SPATA6: variants seen among roughly 807,000 people sequenced by gnomAD.
The protein encoded by SPATA6 is spermatogenesis associated 6.
Under a neutral mutation model 65.3 loss-of-function variants are expected in SPATA6, and 56 were observed. The ratio of observed to expected loss-of-function variants is 0.86; its 90% confidence interval spans 0.69 to 1.07. SPATA6 has a LOEUF of 1.07. Ranked by LOEUF, SPATA6 falls within the 50% of genes least tolerant of loss-of-function variation. The probability of loss-of-function intolerance (pLI) is 0.00; values close to 1 mark genes in which losing one functional copy is unlikely to be tolerated. For synonymous variants in SPATA6, 199 were observed against 213.2 expected, an observed-to-expected ratio of 0.93 and a Z score of 0.58; for missense variants, 590 against 594.8, an observed-to-expected ratio of 0.99 and a Z score of 0.08.
chr1:48,440,374 A>AT (rs1655344990), intron 3 of SPATA6, among the ~76,000 whole-genome samples: 1 of 152,226 alleles, frequency 6.6e-6, no homozygotes, highest in Non-Finnish European at 1.5e-5. Context: ...CTATTGTTAG[A>AT]TCAAACCCTG....
chr1:48,460,364 C>T (rs996257316), intron 1 of SPATA6, among the ~76,000 whole-genome samples: 2 of 152,054 alleles, frequency 1.3e-5, no homozygotes, highest in Non-Finnish European at 1.5e-5. Flanking sequence ...AAAATTTAAG[C>T]CTCATTCATA....
At chr1:48,335,404 AG>A (rs1557579148) in intron 11 of SPATA6, among the ~76,000 whole-genome samples, 1 of 152,160 alleles carries the variant, frequency 6.6e-6, no homozygotes, top group Non-Finnish European at 1.5e-5. Flanking sequence ...ACAAGGCTAG[AG>A]TAACCAAAAT....
chr1:48,411,569 C>G lies in SPATA6; in HGVS notation c.300G>C (p.Thr100=). 1 of 1,602,364 alleles carries G rather than the reference C, an allele frequency of 6.2e-7. No individual in the cohort carries two copies. The highest frequency in any genetic ancestry group is 1.3e-5 in the African/African-American group (1 of 74,734). Residue 100 remains threonine (T), a synonymous_variant, in exon 5 of 13, where the codon ACG becomes ACC. Transcript: ENST00000371847. The stretch of plus-strand genomic sequence containing the variant: ...TGAAATCTCGTGTATTTTCGTCATA[C>G]GTAGACAGTGTTTCACCCACTACAA... The part of the protein sequence containing the change: ...LVPPVGETLS[T]YDENTRDFMF...
intron 9 of SPATA6, among the ~76,000 whole-genome samples, chr1:48,369,269 T>C (rs1647148512): frequency 6.6e-6 from 1 of 152,188 alleles, no homozygotes; most frequent in Admixed American, 6.5e-5. Context: ...AGTCTGCCAG[T>C]TCTCAGATCT....
the SPATA6 span, among the ~76,000 whole-genome samples, chr1:48,277,655 T>A: frequency 6.6e-6 from 1 of 152,206 alleles, no homozygotes; most frequent in Non-Finnish European, 1.5e-5. Context: ...GCAGGCTTGC[T>A]TAGGTAAACA....
chr1:48,397,009 A>G (rs965308366), intron 7 of SPATA6, among the ~76,000 whole-genome samples: 1 of 151,718 alleles, frequency 6.6e-6, no homozygotes, highest in Non-Finnish European at 1.5e-5. Flanking sequence ...TAGTCTTACA[A>G]CAGGATATAA....
intron 11 of SPATA6, among the ~76,000 whole-genome samples, chr1:48,346,090 T>A (rs752018475): frequency 6.6e-6 from 1 of 151,988 alleles, no homozygotes; most frequent in Non-Finnish European, 1.5e-5. Context: ...AACAAAATAC[T>A]AGAAAACTGA....
At chr1:48,330,840 G>C (rs933296726) in intron 11 of SPATA6, among the ~76,000 whole-genome samples, 1 of 152,166 alleles carries the variant, frequency 6.6e-6, no homozygotes, top group African/African-American at 2.4e-5. Context: ...CTCCCAGGAA[G>C]CACACAAACA....
At chr1:48,392,069 T>A (rs1650129567) in intron 8 of SPATA6, among the ~76,000 whole-genome samples, 1 of 152,134 alleles carries the variant, frequency 6.6e-6, no homozygotes. Flanking sequence ...TACATGCTAT[T>A]TTATTCAGAA....
At chr1:48,307,880 A>G (rs1189853835) in intron 11 of SPATA6, among the ~76,000 whole-genome samples, 1 of 151,904 alleles carries the variant, frequency 6.6e-6, no homozygotes, top group African/African-American at 2.4e-5. Flanking sequence ...AAATTCTCTT[A>G]AAGTCTATTT....
chr1:48,435,252 C>T (rs1349626847), intron 3 of SPATA6, among the ~76,000 whole-genome samples: 1 of 152,148 alleles, frequency 6.6e-6, no homozygotes, highest in African/African-American at 2.4e-5. Context: ...ACTTGGAGAA[C>T]TTTTGTGTCT....
intron 8 of SPATA6, among the ~76,000 whole-genome samples, chr1:48,390,702 A>C (rs1649964539): frequency 6.6e-6 from 1 of 152,222 alleles, no homozygotes; most frequent in Admixed American, 6.5e-5. Context: ...ATTATGTATC[A>C]ATTTTTAGAA....
At chr1:48,396,986 A>G (rs1033501820) in intron 7 of SPATA6, among the ~76,000 whole-genome samples, 2 of 151,724 alleles carry the variant, frequency 1.3e-5, no homozygotes, top group Non-Finnish European at 3.0e-5. Flanking sequence ...CACAATGGGT[A>G]AAATGTGGTA....
At chr1:48,314,793 A>G (rs1251261715) in intron 11 of SPATA6, among the ~76,000 whole-genome samples, 1 of 152,210 alleles carries the variant, frequency 6.6e-6, no homozygotes, top group Non-Finnish European at 1.5e-5. Flanking sequence ...ATAGACCGCT[A>G]GCAACACTAA....
At chr1:48,318,236 C>G (rs1340227944) in intron 11 of SPATA6, among the ~76,000 whole-genome samples, 1 of 152,130 alleles carries the variant, frequency 6.6e-6, no homozygotes, top group East Asian at 1.9e-4. Flanking sequence ...AGGATGGGCA[C>G]TCTCCCCACT....
intron 11 of SPATA6, among the ~76,000 whole-genome samples, chr1:48,315,781 C>T (rs199962483): frequency 6.6e-6 from 1 of 152,142 alleles, no homozygotes; most frequent in African/African-American, 2.4e-5. Context: ...GATTGTATAT[C>T]TAGAAAACCC....
chr1:48,319,560 T>C (rs72891553), intron 11 of SPATA6, among the ~76,000 whole-genome samples: 3,748 of 152,150 alleles, frequency 0.025, 98 homozygotes, highest in African/African-American at 0.067. Flanking sequence ...GGAAAGAAGA[T>C]AGTGAAGTCA....
intron 9 of SPATA6, among the ~76,000 whole-genome samples, chr1:48,361,267 A>C (rs1412457882): frequency 2.6e-5 from 4 of 152,174 alleles, no homozygotes; most frequent in Non-Finnish European, 5.9e-5. Flanking sequence ...AAGAGTAGCC[A>C]GGGAAGAAAG....
chr1:48,465,150 A>C (rs939457467), intron 1 of SPATA6, among the ~76,000 whole-genome samples: 3 of 152,170 alleles, frequency 2.0e-5, no homozygotes, highest in Admixed American at 1.3e-4. Flanking sequence ...ACAAGAATAC[A>C]CTTTTAAAGG....
Sources: gnomAD v4.1 joint callset for allele counts (sites outside exome capture counted in the v4.1 genomes callset) on GRCh38, gnomAD v4.1.1 for gene constraint, MANE v1.5 for transcripts, NCBI Gene and HGNC (gene_info 2026-07-23, HGNC 2026-07-21) for gene names.